The following RBM18 variants were observed in gnomAD, a reference collection of about 807,000 sequenced individuals.
RBM18 encodes probable RNA-binding protein 18.
In RBM18, 18 loss-of-function variants were observed where a neutral mutation model predicts 26.4. The observed-to-expected ratio is 0.68, with a 90% CI of 0.47 to 1.01. The LOEUF (loss-of-function observed/expected upper bound fraction) is 1.01, where lower values mean the gene tolerates loss of function less well. Among genes scored for constraint, RBM18 ranks in the 50% least tolerant of loss-of-function variants. The pLI is 0.00. For missense variants in RBM18, 180 were observed against 219.2 expected, an observed-to-expected ratio of 0.82 and a Z score of 1.13; for synonymous variants, 74 against 81.1, an observed-to-expected ratio of 0.91 and a Z score of 0.47.
At chr9:122,255,005 G>C (rs1471671986) in intron 2 of RBM18, among the ~76,000 whole-genome samples, 1 of 152,168 alleles carries the variant, frequency 6.6e-6, no homozygotes, top group Non-Finnish European at 1.5e-5. Context: ...TAGAGTGGGG[G>C]TAGCCAGTAA....
intron 4 of RBM18, among the ~76,000 whole-genome samples, chr9:122,245,968 G>A (rs1272733387): frequency 6.6e-6 from 1 of 152,048 alleles, no homozygotes; most frequent in Non-Finnish European, 1.5e-5. Flanking sequence ...CTCCAGCCTG[G>A]GTGACACAGC....
intron 3 of RBM18, among the ~76,000 whole-genome samples, chr9:122,250,702 T>G (rs1217378828): frequency 2.0e-5 from 3 of 152,182 alleles, no homozygotes; most frequent in African/African-American, 4.8e-5. Flanking sequence ...TGATTCCATT[T>G]GTGTGTTACA....
chr9:122,254,027 CAAA>C (rs561923338), intron 2 of RBM18, among the ~76,000 whole-genome samples: 2 of 86,832 alleles, frequency 2.3e-5, no homozygotes, highest in Non-Finnish European at 2.4e-5. Flanking sequence ...GATTCCGTCT[CAAA>C]AAAAAAAAAG....
chr9:122,243,589 A>G (rs1049325958), intron 5 of RBM18, among the ~76,000 whole-genome samples: 4 of 152,318 alleles, frequency 2.6e-5, no homozygotes, highest in Admixed American at 2.0e-4. Context: ...GCCTATGGCT[A>G]CCTTCATTTT....
chr9:122,242,006 T>C lies in RBM18; in HGVS notation c.451A>G (p.Lys151Glu). Reference sequence around the variant, plus strand: ...GCATCAGGATTTTCCGCCATCATTTTCAGTTTTGCTTCAATGGCTTTTATC... The same window carrying C: ...GCATCAGGATTTTCCGCCATCATTTCCAGTTTTGCTTCAATGGCTTTTATC... ...AKIKAIEAKL[K>E]MMAENPDAEY... Residue 151 changes from lysine (K) to glutamate (E), a missense_variant, in exon 6 of 6, where the codon AAA becomes GAA. Transcript: ENST00000417201. The C allele has an allele frequency of 1.9e-6, 3 of 1,614,148 alleles. No homozygotes were observed. Among genetic ancestry groups the C allele is most frequent in the Non-Finnish European group, 2.5e-6 (3 of 1,180,016 alleles).
rs1831365360 is a variant in RBM18 at position 122,238,585 on chromosome 9, G to C, written c.*3299C>G. ...CTCCCTTGTATTCAAAGAATAGCAA[G>C]AAGGCCAACGTGGCTGCAGTACACC... On this transcript the variant is annotated 3_prime_UTR_variant, in exon 6 of 6. Transcript: ENST00000417201. The C allele has an allele frequency of 6.6e-6, 1 of 152,212 alleles. No homozygotes were observed. Among genetic ancestry groups the C allele is most frequent in the Admixed American group, 6.5e-5 (1 of 15,288 alleles). The allele number at this position is 152,212 out of a possible 1,614,324, so 9.4% of individuals were successfully genotyped here.
chr9:122,254,473 G>T, intron 2 of RBM18: 1 of 163,522 alleles, frequency 6.1e-6, no homozygotes. Context: ...ACATCTGCAA[G>T]CACTTTTATC....
chr9:122,257,108 C>CTCTG (rs1424541686), intron 2 of RBM18, among the ~76,000 whole-genome samples: 1 of 152,226 alleles, frequency 6.6e-6, no homozygotes, highest in Non-Finnish European at 1.5e-5. Flanking sequence ...CAGCGTCTTG[C>CTCTG]TCTGTCGCCC....
intron 3 of RBM18, among the ~76,000 whole-genome samples, chr9:122,250,637 T>C (rs1831584741): frequency 6.6e-6 from 1 of 152,176 alleles, no homozygotes; most frequent in African/African-American, 2.4e-5. Flanking sequence ...GTCACCCTGA[T>C]GTGATTAAAT....
intron 4 of RBM18, among the ~76,000 whole-genome samples, chr9:122,247,209 A>G (rs1588379595): frequency 6.6e-6 from 1 of 152,092 alleles, no homozygotes; most frequent in Non-Finnish European, 1.5e-5. Flanking sequence ...AAAAATAAAT[A>G]TATATTTTCC....
At chr9:122,253,995 T>C (rs1831646929) in intron 2 of RBM18, among the ~76,000 whole-genome samples, 1 of 145,316 alleles carries the variant, frequency 6.9e-6, no homozygotes, top group African/African-American at 2.6e-5. Flanking sequence ...ACCACTGCAC[T>C]CCAGCCTGGG....
At chr9:122,249,719 A>AAC (rs1298756369) in intron 3 of RBM18, among the ~76,000 whole-genome samples, 30 of 151,136 alleles carry the variant, frequency 2.0e-4, no homozygotes, top group African/African-American at 6.3e-4. Context: ...AAAAAAAAAA[A>AAC]CAACAACAAA....
At chr9:122,258,147 C>T (rs1831727914) in intron 2 of RBM18, among the ~76,000 whole-genome samples, 1 of 152,166 alleles carries the variant, frequency 6.6e-6, no homozygotes, top group South Asian at 2.1e-4. Flanking sequence ...AGGAAATCAT[C>T]AATTTCTACA....
At position 122,246,156 on chromosome 9, in the gene RBM18, C is replaced by T. The variant is rs537566333; in HGVS notation, c.328-815G>A. ...TAATTTGATGCCAGATAATTACATA[C>T]TTTTTTATTCTTTTAAAATTTTATT... On this transcript the variant is annotated intron_variant, in intron 4 of 5. Coordinates refer to ENST00000417201, the MANE Select transcript of RBM18 (RefSeq NM_033117.4). Among the ~76,000 whole-genome samples the T allele has an allele frequency of 1.8e-4, 27 of 152,216 alleles. No homozygotes were observed. In the East Asian group the frequency reaches 4.6e-3, roughly 26 times the overall value.
chr9:122,264,772 C>G lies in RBM18; in HGVS notation c.-74G>C, dbSNP rs11537745. On this transcript the variant is annotated 5_prime_UTR_variant, in exon 1 of 6. Coordinates refer to ENST00000417201, the MANE Select transcript of RBM18 (RefSeq NM_033117.4). ...GCCCGGAAACCAGGTCCCGACGCCG[C>G]GGTCAGACGGACCTCTAGACGCGTC... 1 of 152,302 alleles carries G rather than the reference C, an allele frequency of 6.6e-6. No homozygotes were observed. Among genetic ancestry groups the G allele is most frequent in the Non-Finnish European group, 1.5e-5 (1 of 68,100 alleles). The allele number at this position is 152,302 out of a possible 1,614,324, so 9.4% of individuals were successfully genotyped here.
At position 122,261,397 on chromosome 9, in the gene RBM18, C is replaced by T; in HGVS notation, c.96G>A (p.Leu32=). 6.2e-7 allele frequency: 1 copy of T among 1,613,268 alleles called. No individual in the cohort carries two copies. The highest frequency in any genetic ancestry group is 8.5e-7 in the Non-Finnish European group (1 of 1,179,210). Residue 32 remains leucine, a synonymous_variant, in exon 2 of 6, where the codon CTG becomes CTA. Coordinates refer to ENST00000417201, the MANE Select transcript of RBM18 (RefSeq NM_033117.4). ...QEGHRLWIGN[L]DPKITEYHLL... The stretch of plus-strand genomic sequence containing the variant: ...AGACTTACTCGGTAATTTTGGGGTC[C>T]AGGTTGCCAATCCATAATCGGTGTC...
At position 122,239,976 on chromosome 9, in the gene RBM18, A is replaced by T. The variant is rs2118944384; in HGVS notation, c.*1908T>A. On this transcript the variant is annotated 3_prime_UTR_variant, in exon 6 of 6. Transcript: ENST00000417201. ...CTGTCAGAGAACTGCAGTCTATGCC[A>T]GTAAGTGAACGAGAGAAGATATAAC... 6.6e-6 allele frequency: 1 copy of T among 152,362 alleles called. No homozygotes were observed. Among genetic ancestry groups the T allele is most frequent in the African/African-American group, 2.4e-5 (1 of 41,570 alleles). 9.4% of individuals were successfully genotyped at this position (152,362 alleles called of 1,614,324 possible).
chr9:122,259,416 A>G (rs1041322331), intron 2 of RBM18, among the ~76,000 whole-genome samples: 2 of 152,204 alleles, frequency 1.3e-5, no homozygotes, highest in African/African-American at 2.4e-5. Flanking sequence ...GGTTGGACAG[A>G]TTCATATACT....
chr9:122,238,405 G>A lies in RBM18; in HGVS notation c.*3479C>T, dbSNP rs931146028. 1.3e-5 allele frequency: 2 copies of A among 152,238 alleles called. No individual in the cohort carries two copies. The highest frequency in any genetic ancestry group is 2.9e-5 in the Non-Finnish European group (2 of 68,044). The allele number at this position is 152,238 out of a possible 1,614,324, so 9.4% of individuals were successfully genotyped here. ...GTGAGGAAAGGATTGGAGAGTGACA[G>A]GTTGTAATTTTAAGAGGGAGGCCGG... On this transcript the variant is annotated 3_prime_UTR_variant, in exon 6 of 6. Transcript: ENST00000417201.
Sources: gnomAD v4.1 joint callset for allele counts (sites outside exome capture counted in the v4.1 genomes callset) on GRCh38, gnomAD v4.1.1 for gene constraint, MANE v1.5 for transcripts, NCBI Gene and HGNC (gene_info 2026-07-23, HGNC 2026-07-21) for gene names.